Variants in KIF26B observed in about 807,000 individuals in gnomAD.
KIF26B encodes kinesin-like protein KIF26B.
Under a neutral mutation model 151.2 loss-of-function variants are expected in KIF26B, and 63 were observed. The observed-to-expected ratio is 0.42, with a 90% CI of 0.34 to 0.51. The LOEUF is 0.51. KIF26B is among the 20% of genes least tolerant of loss of function. The pLI is 0.07. For missense variants in KIF26B, 2,813 were observed against 2,913.6 expected, an observed-to-expected ratio of 0.97 and a Z score of 0.79; for synonymous variants, 1,357 against 1,262.1, an observed-to-expected ratio of 1.08 and a Z score of -1.59.
intron 2 of KIF26B, among the ~76,000 whole-genome samples, chr1:245,183,835 G>A (rs1050411087): frequency 6.6e-6 from 1 of 151,928 alleles, no homozygotes; most frequent in Non-Finnish European, 1.5e-5. Flanking sequence ...AAGACCTGGC[G>A]GTATGACACG....
rs537826132 is a variant in KIF26B, at chr1:245,170,083, G to A, written c.465+13400G>A. On this transcript the variant is annotated intron_variant, in intron 2 of 14. Coordinates refer to ENST00000407071, the MANE Select transcript of KIF26B (RefSeq NM_018012.4). This position sits in a 1 kb window ranked among gnomAD's most constrained non-coding sequence, Gnocchi z 4.4. ...CCGTCCACTGCTGCATAACCAAAAC[G>A]TCACTGGTGTGAAGGAAGAGGATGA... Among the ~76,000 whole-genome samples, 9 of 152,212 alleles carry A rather than the reference G, an allele frequency of 5.9e-5. No individual in the cohort carries two copies. The East Asian group carries it at 7.7e-4, about 13-fold the overall frequency.
At chr1:245,587,782 C>G (rs930155979) in intron 5 of KIF26B, among the ~76,000 whole-genome samples, 1 of 152,122 alleles carries the variant, frequency 6.6e-6, no homozygotes, top group African/African-American at 2.4e-5. Context: ...TCTACAGAGC[C>G]GTGATCAAAC....
intron 2 of KIF26B, among the ~76,000 whole-genome samples, chr1:245,269,546 C>A (rs947004295): frequency 6.6e-6 from 1 of 151,928 alleles, no homozygotes; most frequent in African/African-American, 2.4e-5. Context: ...CTCACTACAA[C>A]CTCCACCTCC....
At position 245,516,642 on chromosome 1, in the gene KIF26B, G is replaced by C. The variant is rs375000869; in HGVS notation, c.1167-24125G>C. On this transcript the variant is annotated intron_variant, in intron 4 of 14. Transcript: ENST00000407071. This position sits in a 1 kb window ranked among gnomAD's most constrained non-coding sequence, Gnocchi z 4.2. Reference sequence around the variant, plus strand: ...GTGTCTTGGTGGGGGTGGAGATGTGGGGTGAAGTAATGAGCCCGCAAGGCC... The same window carrying C: ...GTGTCTTGGTGGGGGTGGAGATGTGCGGTGAAGTAATGAGCCCGCAAGGCC... Among the ~76,000 whole-genome samples the C allele has an allele frequency of 1.1e-4, 17 of 152,246 alleles. No individual in the cohort carries two copies. The East Asian group carries it at 1.5e-3, about 14-fold the overall frequency.
At chr1:245,197,719 G>A (rs2103536149) in intron 2 of KIF26B, among the ~76,000 whole-genome samples, 1 of 152,274 alleles carries the variant, frequency 6.6e-6, no homozygotes, top group African/African-American at 2.4e-5. Flanking sequence ...AAAAGTTAAA[G>A]TGCCCCCGGG....
intron 3 of KIF26B, among the ~76,000 whole-genome samples, chr1:245,390,933 A>AC (rs1553270107): frequency 2.1e-5 from 2 of 93,270 alleles, no homozygotes; most frequent in South Asian, 2.5e-4. Context: ...AAAAAAAAAA[A>AC]AAAAAAAAAA....
At chr1:245,205,681 T>C (rs1335347999) in intron 2 of KIF26B, among the ~76,000 whole-genome samples, 2 of 151,060 alleles carry the variant, frequency 1.3e-5, no homozygotes, top group Non-Finnish European at 2.9e-5. Flanking sequence ...AACAGTTTCC[T>C]GAGGAACGTT....
intron 2 of KIF26B, among the ~76,000 whole-genome samples, chr1:245,263,349 CCTT>C (rs879747321): frequency 6.6e-6 from 1 of 152,208 alleles, no homozygotes; most frequent in Non-Finnish European, 1.5e-5. Context: ...AGCCATGCCT[CCTT>C]CATCAGTGCT....
intron 2 of KIF26B, among the ~76,000 whole-genome samples, chr1:245,339,558 A>G (rs1672297656): frequency 6.6e-6 from 1 of 152,256 alleles, no homozygotes; most frequent in Non-Finnish European, 1.5e-5. Context: ...ATCATAAAAT[A>G]GGTACTAAAA....
chr1:245,540,297 T>C lies in KIF26B; in HGVS notation c.1167-470T>C, dbSNP rs954897747. On this transcript the variant is annotated intron_variant, in intron 4 of 14. Coordinates refer to ENST00000407071, the MANE Select transcript of KIF26B (RefSeq NM_018012.4). The surrounding 1 kb of genome is among the most constrained non-coding windows in gnomAD (Gnocchi z 4.6). ...GGCTTGTGTTTTTCTTCCAGTGCCC[T>C]GTACATAGCATGCCTTGACTGGTCT... Among the ~76,000 whole-genome samples the C allele has an allele frequency of 1.3e-5, 2 of 152,222 alleles. No individual in the cohort carries two copies. Among genetic ancestry groups the C allele is most frequent in the African/African-American group, 2.4e-5 (1 of 41,454 alleles).
At chr1:245,474,501 T>A in intron 4 of KIF26B, among the ~76,000 whole-genome samples, 1 of 149,288 alleles carries the variant, frequency 6.7e-6, no homozygotes, top group East Asian at 2.0e-4. Context: ...AACCTCCACC[T>A]CCCTGGTTCC....
chr1:245,502,812 A>G (rs1036977627), intron 4 of KIF26B, among the ~76,000 whole-genome samples: 1 of 151,914 alleles, frequency 6.6e-6, no homozygotes, highest in Non-Finnish European at 1.5e-5. Context: ...TGACAGGGGG[A>G]TATCTCTGAA....
chr1:245,185,913 C>T lies in KIF26B; in HGVS notation c.465+29230C>T, dbSNP rs138098348. On this transcript the variant is annotated intron_variant, in intron 2 of 14. Coordinates refer to ENST00000407071, the MANE Select transcript of KIF26B (RefSeq NM_018012.4). ...ATTTTGAGACAGAGTCTCACTCTGT[C>T]GCCCAAGCTGGAGTGCGGTGGCGTG... 9.7e-3 allele frequency among the ~76,000 whole-genome samples: 1,474 copies of T among 151,986 alleles called. 25 individuals are homozygous for T. The highest frequency in any genetic ancestry group is 0.034 in the African/African-American group (1,390 of 41,432).
chr1:245,443,164 T>C (rs78976988), intron 4 of KIF26B, among the ~76,000 whole-genome samples: 1 of 123,884 alleles, frequency 8.1e-6, no homozygotes, highest in Non-Finnish European at 1.7e-5. Context: ...CACTGTTCAC[T>C]TAGAGGAGAG....
intron 3 of KIF26B, among the ~76,000 whole-genome samples, chr1:245,369,713 C>T (rs116590018): frequency 3.7e-4 from 56 of 152,314 alleles, no homozygotes; most frequent in Admixed American, 6.5e-4. Flanking sequence ...CTTTGCCTAC[C>T]GCGGTTTCTT....
intron 4 of KIF26B, among the ~76,000 whole-genome samples, chr1:245,450,724 A>G (rs187423566): frequency 4.5e-4 from 68 of 152,350 alleles, no homozygotes; most frequent in Non-Finnish European, 7.9e-4. Flanking sequence ...AAAAGACACT[A>G]TGGCACATCT....
chr1:245,522,047 T>G (rs942513863), intron 4 of KIF26B, among the ~76,000 whole-genome samples: 2 of 152,004 alleles, frequency 1.3e-5, no homozygotes, highest in Non-Finnish European at 2.9e-5. Flanking sequence ...TTTTTTGTAT[T>G]TTTAGTAGAG....
intron 2 of KIF26B, among the ~76,000 whole-genome samples, chr1:245,257,369 T>G (rs912148550): frequency 1.3e-5 from 2 of 152,220 alleles, no homozygotes; most frequent in Non-Finnish European, 2.9e-5. Context: ...TCACTCATAT[T>G]TGGCTCAGAA....
intron 3 of KIF26B, among the ~76,000 whole-genome samples, chr1:245,416,694 A>C (rs1028723170): frequency 6.6e-6 from 1 of 152,192 alleles, no homozygotes; most frequent in Non-Finnish European, 1.5e-5. Context: ...AAGTGGGAGC[A>C]TTCCATATGG....
Sources: gnomAD v4.1 joint callset for allele counts (sites outside exome capture counted in the v4.1 genomes callset) on GRCh38, gnomAD v4.1.1 for gene constraint, Gnocchi (gnomAD v3.1) non-coding constraint, MANE v1.5 for transcripts, NCBI Gene and HGNC (gene_info 2026-07-23, HGNC 2026-07-21) for gene names.